Variants in PLCL1 observed in about 807,000 individuals in gnomAD.
PLCL1 encodes the protein inactive phospholipase C-like protein 1.
A neutral mutation model predicts 84.4 loss-of-function variants in PLCL1; 41 were observed. The ratio of observed to expected loss-of-function variants is 0.49; its 90% confidence interval spans 0.38 to 0.63. The LOEUF (loss-of-function observed/expected upper bound fraction) is 0.63, where lower values mean the gene tolerates loss of function less well. Among genes scored for constraint, PLCL1 ranks in the 30% least tolerant of loss-of-function variants. PLCL1 has a pLI of 0.00. For missense variants in PLCL1, 1,206 were observed against 1,367.8 expected (o/e 0.88, Z 1.87); for synonymous variants, 490 against 488.3 (o/e 1.00, Z -0.05).
chr2:197,979,297 G>T (rs555836847), intron 1 of PLCL1, among the ~76,000 whole-genome samples: 2 of 152,130 alleles, frequency 1.3e-5, no homozygotes, highest in South Asian at 4.2e-4. Context: ...TTGTCTTTTT[G>T]GTTTTGATGC....
At chr2:198,002,640 G>C (rs954368813) in intron 1 of PLCL1, among the ~76,000 whole-genome samples, 1 of 152,148 alleles carries the variant, frequency 6.6e-6, no homozygotes, top group Non-Finnish European at 1.5e-5. Context: ...GGGTGTTATT[G>C]TAAAGATTCT....
intron 1 of PLCL1, among the ~76,000 whole-genome samples, chr2:197,819,415 C>T (rs1329351400): frequency 6.6e-6 from 1 of 152,154 alleles, no homozygotes; most frequent in East Asian, 1.9e-4. Flanking sequence ...GAATGAAACA[C>T]TATGGAATCT....
intron 5 of PLCL1, among the ~76,000 whole-genome samples, chr2:198,140,575 T>C (rs1694362761): frequency 6.6e-6 from 1 of 152,140 alleles, no homozygotes; most frequent in African/African-American, 2.4e-5. Flanking sequence ...CAGGTGTTAT[T>C]TGAGAAAGAA....
Position 197,912,875 on chromosome 2 carries a change from G to A in PLCL1, c.240+107536G>A, listed in dbSNP as rs1367591062. 1.7e-4 allele frequency among the ~76,000 whole-genome samples: 24 copies of A among 142,144 alleles called. No individual in the cohort carries two copies. In the South Asian group the frequency reaches 2.6e-3, roughly 15 times the overall value. The allele number at this position is 142,144 out of a possible 152,430, so 93.3% of individuals were successfully genotyped here. ...TAGATGACGAGTTAGTGGGTGCAGC[G>A]CACCAGCATGGCACATGTATACATA... On this transcript the variant is annotated intron_variant, in intron 1 of 5. Coordinates refer to ENST00000428675, the MANE Select transcript of PLCL1 (RefSeq NM_006226.4).
chr2:198,035,503 T>G (rs1691535134), intron 1 of PLCL1, among the ~76,000 whole-genome samples: 1 of 152,188 alleles, frequency 6.6e-6, no homozygotes, highest in Admixed American at 6.5e-5. Context: ...GTTTTTGGTT[T>G]TTTTCCATTT....
intron 1 of PLCL1, among the ~76,000 whole-genome samples, chr2:197,896,152 T>G (rs1688129450): frequency 1.3e-5 from 2 of 152,026 alleles, no homozygotes; most frequent in African/African-American, 2.4e-5. Flanking sequence ...GATTATAAAC[T>G]GTGTATTGTT....
chr2:198,107,874 C>T (rs945054474), intron 5 of PLCL1, among the ~76,000 whole-genome samples: 1 of 151,820 alleles, frequency 6.6e-6, no homozygotes, highest in Non-Finnish European at 1.5e-5. Context: ...AGAACATTTC[C>T]ACACTTCCAA....
intron 1 of PLCL1, among the ~76,000 whole-genome samples, chr2:197,809,253 A>G (rs1025931091): frequency 5.9e-5 from 9 of 152,338 alleles, no homozygotes; most frequent in African/African-American, 1.9e-4. Context: ...TCTCTAAAGT[A>G]TGGAAGGAAG....
At chr2:198,059,399 T>C (rs1692141279) in intron 1 of PLCL1, among the ~76,000 whole-genome samples, 2 of 152,236 alleles carry the variant, frequency 1.3e-5, no homozygotes, top group South Asian at 4.1e-4. Flanking sequence ...TTGGTTTCTG[T>C]ATAGTACCAG....
At chr2:197,967,480 A>T (rs1689768869) in intron 1 of PLCL1, among the ~76,000 whole-genome samples, 1 of 152,322 alleles carries the variant, frequency 6.6e-6, no homozygotes, top group East Asian at 1.9e-4. Flanking sequence ...CACTAGATAC[A>T]TATGGGCAAC....
chr2:197,868,793 G>A (rs1188196527), intron 1 of PLCL1, among the ~76,000 whole-genome samples: 1 of 151,800 alleles, frequency 6.6e-6, no homozygotes, highest in Non-Finnish European at 1.5e-5. Flanking sequence ...TGGGATTACA[G>A]GCATGAGCCA....
At chr2:198,011,864 C>T (rs1046189992) in intron 1 of PLCL1, among the ~76,000 whole-genome samples, 2 of 152,044 alleles carry the variant, frequency 1.3e-5, no homozygotes, top group Non-Finnish European at 1.5e-5. Context: ...CAGTATTCTT[C>T]GTTGTCTCTT....
intron 5 of PLCL1, among the ~76,000 whole-genome samples, chr2:198,135,420 A>G (rs1320229176): frequency 6.6e-6 from 1 of 152,194 alleles, no homozygotes; most frequent in Non-Finnish European, 1.5e-5. Flanking sequence ...GATGATCACA[A>G]TAATGGGAAG....
chr2:197,903,069 T>C (rs933904008), intron 1 of PLCL1, among the ~76,000 whole-genome samples: 9 of 152,058 alleles, frequency 5.9e-5, no homozygotes, highest in African/African-American at 2.2e-4. Context: ...AGCCAACAGG[T>C]GTTAGCGTGT....
intron 1 of PLCL1, among the ~76,000 whole-genome samples, chr2:197,898,475 A>C (rs1688197656): frequency 6.6e-6 from 1 of 152,066 alleles, no homozygotes; most frequent in Non-Finnish European, 1.5e-5. Flanking sequence ...TCACACCCCA[A>C]AGATGCTTAA....
chr2:197,967,605 C>A (rs1446854256), intron 1 of PLCL1, among the ~76,000 whole-genome samples: 1 of 152,116 alleles, frequency 6.6e-6, no homozygotes, highest in African/African-American at 2.4e-5. Flanking sequence ...AGTGACTCTT[C>A]CAGGACTTGT....
At chr2:197,983,190 CTTTTCTTTTCTT>C (rs1690148954) in intron 1 of PLCL1, among the ~76,000 whole-genome samples, 4 of 66,064 alleles carry the variant, frequency 6.1e-5, no homozygotes, top group African/African-American at 2.1e-4. Context: ...TTTTCTTTTT[CTTTTCTTTTCTT>C]TTTTTTTTTT....
At chr2:197,951,580 A>C (rs1689390247) in intron 1 of PLCL1, among the ~76,000 whole-genome samples, 2 of 152,174 alleles carry the variant, frequency 1.3e-5, no homozygotes, top group Non-Finnish European at 2.9e-5. Flanking sequence ...GACTGTGGAG[A>C]GAAGCATACC....
chr2:197,958,950 T>C (rs1689550512), intron 1 of PLCL1, among the ~76,000 whole-genome samples: 2 of 151,970 alleles, frequency 1.3e-5, no homozygotes, highest in African/African-American at 4.8e-5. Flanking sequence ...ATTCTCAAAC[T>C]TTGGCATGCA....
Sources: allele counts gnomAD v4.1 joint callset (sites outside exome capture counted in the v4.1 genomes callset), GRCh38; gene constraint gnomAD v4.1.1; transcripts MANE v1.5; gene names NCBI Gene and HGNC (gene_info 2026-07-23, HGNC 2026-07-21).